Variants in ICE1 observed in about 807,000 individuals in gnomAD.
ICE1 encodes the protein little elongation complex subunit 1.
ICE1 carries 64 observed loss-of-function variants against 192.7 expected under a neutral mutation model. The ratio of observed to expected loss-of-function variants is 0.33; its 90% CI spans 0.27 to 0.41. ICE1 has a LOEUF of 0.41. Ranked by LOEUF, ICE1 falls within the 10% of genes least tolerant of loss-of-function variation. The pLI, the probability that ICE1 is intolerant of heterozygous loss-of-function variation, is 1.00. For synonymous variants in ICE1, 1,010 were observed against 984.5 expected (o/e 1.03, Z -0.49); for missense variants, 2,708 against 2,696.0 (o/e 1.00, Z -0.10).
rs777136215 is a variant in ICE1 at position 5,475,963 on chromosome 5, T to G, written c.6414-10T>G. 1 of 1,555,664 alleles carries G rather than the reference T, an allele frequency of 6.4e-7. No individual in the cohort carries two copies. Among genetic ancestry groups the G allele is most frequent in the African/African-American group, 1.4e-5 (1 of 73,518 alleles). On this transcript the variant is annotated splice_polypyrimidine_tract_variant and intron_variant, in intron 16 of 18. Coordinates refer to ENST00000296564, the MANE Select transcript of ICE1 (RefSeq NM_015325.3). ...ATGAGCATACATCTTTTCATGTTGT[T>G]TTTTTATAGTAAGGAGCTGTGGCCT...
At position 5,489,435 on chromosome 5, in the gene ICE1, A is replaced by G. The variant is rs1739728165; in HGVS notation, c.*105A>G. 4 of 1,012,358 alleles carry G rather than the reference A, an allele frequency of 4.0e-6. 1 individual carries two copies. In the South Asian group the frequency reaches 5.4e-5, roughly 14 times the overall value. 62.7% of individuals were successfully genotyped at this position (1,012,358 alleles called of 1,614,324 possible). On this transcript the variant is annotated 3_prime_UTR_variant, in exon 19 of 19. Transcript: ENST00000296564. ...GGGAGGTTTCAAAACAAAAAGACATAAAATAGATAAAACAGACCAGAGGCT... is the reference window on the plus strand; with the variant it reads ...GGGAGGTTTCAAAACAAAAAGACATGAAATAGATAAAACAGACCAGAGGCT...
chr5:5,437,451 T>A (rs555487196), intron 3 of ICE1: 1 of 204,012 alleles, frequency 4.9e-6, no homozygotes, highest in African/African-American at 2.3e-5. Context: ...TGATACTTGC[T>A]GAATGTTATT....
chr5:5,463,828 C>T lies in ICE1; in HGVS notation c.4494C>T (p.Ser1498=), dbSNP rs1738883593. 1.2e-6 allele frequency: 2 copies of T among 1,613,964 alleles called. No individual in the cohort carries two copies. The highest frequency in any genetic ancestry group is 1.3e-5 in the African/African-American group (1 of 75,046). The change falls in exon 13 of 19, where the codon AGC becomes AGT. Residue 1498 remains serine (S), a synonymous_variant. Coordinates refer to ENST00000296564, the MANE Select transcript of ICE1 (RefSeq NM_015325.3). ...CATGTCCCCAAGAGGATGTTTCAAG[C>T]AGTGGTCAGAGCACCAACTTTGATA... The part of the protein sequence containing the change: ...NLSCPQEDVS[S]SGQSTNFDKS...
Position 5,460,443 on chromosome 5 carries a change from A to G in ICE1, c.1109A>G (p.Tyr370Cys), listed in dbSNP as rs1320662870. 6.4e-6 allele frequency: 10 copies of G among 1,560,166 alleles called. No individual in the cohort carries two copies. The highest frequency in any genetic ancestry group is 8.7e-6 in the Non-Finnish European group (10 of 1,150,688). Residue 370 changes from tyrosine to cysteine, a missense_variant, in exon 13 of 19, where the codon TAC becomes TGC. Physicochemically the swap from Tyr to Cys is radical, Grantham distance 194. Transcript: ENST00000296564. Reference sequence around the variant, plus strand: ...TAATTCATATTTTTTAAGGAAACCTACTTTGGAGAATACACAGATTCCAGC... The same window carrying G: ...TAATTCATATTTTTTAAGGAAACCTGCTTTGGAGAATACACAGATTCCAGC... ...SLPSSFAPETYFGEYTDSSDN... is the reference protein window; with the variant it reads ...SLPSSFAPETCFGEYTDSSDN...
chr5:5,445,545 C>T (rs886607952), intron 7 of ICE1, among the ~76,000 whole-genome samples: 1 of 151,946 alleles, frequency 6.6e-6, no homozygotes, highest in African/African-American at 2.4e-5. Flanking sequence ...GTTTCTCCCA[C>T]CTCAGCCTCC....
intron 10 of ICE1, among the ~76,000 whole-genome samples, chr5:5,454,008 C>T (rs1396798964): frequency 6.6e-6 from 1 of 152,110 alleles, no homozygotes; most frequent in Non-Finnish European, 1.5e-5. Flanking sequence ...ATTCCCGTAC[C>T]GTCTCCCCTC....
intron 6 of ICE1, among the ~76,000 whole-genome samples, chr5:5,443,674 A>G (rs1474019253): frequency 6.6e-6 from 1 of 152,148 alleles, no homozygotes; most frequent in Non-Finnish European, 1.5e-5. Flanking sequence ...AGCATGTGGA[A>G]TGGGTATCTT....
At chr5:5,423,943 T>C (rs555733036) in intron 1 of ICE1, among the ~76,000 whole-genome samples, 5 of 152,330 alleles carry the variant, frequency 3.3e-5, no homozygotes, top group African/African-American at 1.2e-4. Context: ...GTTGGAATAT[T>C]GGTCTTGTCT....
intron 1 of ICE1, among the ~76,000 whole-genome samples, chr5:5,434,949 TTGACAG>T (rs1308928562): frequency 6.6e-6 from 1 of 152,220 alleles, no homozygotes. Flanking sequence ...AATCTGTGAA[TTGACAG>T]TTTATATCCT....
chr5:5,476,010 T>C lies in ICE1; in HGVS notation c.6451T>C (p.Tyr2151His), dbSNP rs1312481524. Residue 2151 changes from tyrosine to histidine, a missense_variant, in exon 17 of 19, where the codon TAC (tyrosine) becomes CAC (histidine). This residue lies in a region of ICE1 where 342 missense variants were observed against 419.3 expected (regional missense o/e 0.82). Transcript: ENST00000296564. ...LWPVMDKWIK[Y>H]RKGHANIAYT... ...GCCTGTGATGGATAAATGGATAAAA[T>C]ACAGAAAAGGACATGCAAACATTGC... 6.2e-7 allele frequency: 1 copy of C among 1,612,014 alleles called. No homozygotes were observed. The highest frequency in any genetic ancestry group is 8.5e-7 in the Non-Finnish European group (1 of 1,178,716).
At chr5:5,457,254 GTTTC>G (rs1413102756) in intron 11 of ICE1, 74 bp from the exon 12 acceptor site, 95 of 1,348,956 alleles carry the variant, frequency 7.0e-5, no homozygotes, top group Middle Eastern at 2.6e-4. Context: ...TTGTAATAAG[GTTTC>G]TTTCTTTCTT....
At position 5,422,878 on chromosome 5, in the gene ICE1, C is replaced by G. The variant is rs1579528140; in HGVS notation, c.-38C>G. Reference sequence around the variant, plus strand: ...AGGACGGGGCCGACGCCGCGGGCCCCTGAGGCGTGCGTGCCCACCGGGCCC... The same window carrying G: ...AGGACGGGGCCGACGCCGCGGGCCCGTGAGGCGTGCGTGCCCACCGGGCCC... On this transcript the variant is annotated 5_prime_UTR_variant, in exon 1 of 19. Coordinates refer to ENST00000296564, the MANE Select transcript of ICE1 (RefSeq NM_015325.3). The G allele has an allele frequency of 7.5e-7, 1 of 1,329,530 alleles. No individual in the cohort carries two copies. Among genetic ancestry groups the G allele is most frequent in the African/African-American group, 1.5e-5 (1 of 65,134 alleles). The allele number at this position is 1,329,530 out of a possible 1,614,324, so 82.4% of individuals were successfully genotyped here.
chr5:5,463,802 T>C lies in ICE1; in HGVS notation c.4468T>C (p.Ser1490Pro), dbSNP rs1738882799. The C allele has an allele frequency of 6.2e-7, 1 of 1,613,980 alleles. No individual in the cohort carries two copies. The highest frequency in any genetic ancestry group is 1.3e-5 in the African/African-American group (1 of 75,046). Residue 1490 changes from serine to proline, a missense_variant, in exon 13 of 19, where the codon TCA (serine) becomes CCA (proline). Coordinates refer to ENST00000296564, the MANE Select transcript of ICE1 (RefSeq NM_015325.3). ...GGAGGCTCCATGTGGCAATAATCTTTCATGTCCCCAAGAGGATGTTTCAAG... is the reference window on the plus strand; with the variant it reads ...GGAGGCTCCATGTGGCAATAATCTTCCATGTCCCCAAGAGGATGTTTCAAG... ...FQEAPCGNNL[S>P]CPQEDVSSSG...
At chr5:5,459,022 G>A (rs113237209) in intron 12 of ICE1, among the ~76,000 whole-genome samples, 6 of 152,004 alleles carry the variant, frequency 3.9e-5, no homozygotes, top group Admixed American at 1.3e-4. Flanking sequence ...ACAGGCGCCC[G>A]CCACCATGCC....
intron 5 of ICE1, among the ~76,000 whole-genome samples, chr5:5,442,648 C>G (rs550709943): frequency 6.6e-6 from 1 of 152,268 alleles, no homozygotes; most frequent in South Asian, 2.1e-4. Context: ...TTAAAGAACT[C>G]TCTCAGAGCT....
At chr5:5,482,130 AAAG>A (rs1422202911) in intron 17 of ICE1, among the ~76,000 whole-genome samples, 1 of 152,238 alleles carries the variant, frequency 6.6e-6, no homozygotes, top group Admixed American at 6.5e-5. Context: ...GTTTATTTAA[AAAG>A]AAGGATGTGT....
At chr5:5,478,233 C>G (rs546739524) in intron 17 of ICE1, among the ~76,000 whole-genome samples, 43 of 152,336 alleles carry the variant, frequency 2.8e-4, no homozygotes, top group African/African-American at 1.0e-3. Context: ...CCCAAACACT[C>G]CTTAAGCTGA....
chr5:5,464,867 G>A lies in ICE1; in HGVS notation c.5533G>A (p.Ala1845Thr), dbSNP rs756374815. The A allele has an allele frequency of 6.2e-7, 1 of 1,613,162 alleles. No individual in the cohort carries two copies. The highest frequency in any genetic ancestry group is 8.5e-7 in the Non-Finnish European group (1 of 1,179,478). Reference sequence around the variant, plus strand: ...ACTGTCAACGTCTACACTGAGAAGTGCTAAAAGACTGCGCCTGGACACTGG... The same window carrying A: ...ACTGTCAACGTCTACACTGAGAAGTACTAAAAGACTGCGCCTGGACACTGG... ...RTLSTSTLRS[A>T]KRLRLDTGSP... The change falls in exon 13 of 19, where the codon GCT becomes ACT. Residue 1845 changes from alanine to threonine, a missense_variant. By Grantham distance (58) the Ala-to-Thr change is moderately conservative. Around this residue, in one of 2 missense-constraint regions of ICE1, gnomAD observed 2,366 missense variants for 2,276.6 expected, o/e 1.04. Coordinates refer to ENST00000296564, the MANE Select transcript of ICE1 (RefSeq NM_015325.3). The surrounding 1 kb of genome is among the most constrained non-coding windows in gnomAD (Gnocchi z 4.0).
chr5:5,447,317 T>C (rs1738259420), intron 7 of ICE1, 110 bp from the exon 8 acceptor site: 6 of 720,858 alleles, frequency 8.3e-6, no homozygotes, highest in Non-Finnish European at 1.3e-5. Flanking sequence ...TTTCAAACTT[T>C]TAAGAAATGA....
Sources: allele counts gnomAD v4.1 joint callset (sites outside exome capture counted in the v4.1 genomes callset), GRCh38; gene constraint gnomAD v4.1.1; regional missense constraint gnomAD v4.1.1; non-coding constraint Gnocchi (gnomAD v3.1); transcripts MANE v1.5; gene names NCBI Gene and HGNC (gene_info 2026-07-23, HGNC 2026-07-21).